The following PRKCE variants were observed in gnomAD, a reference collection of about 807,000 sequenced individuals.
PRKCE encodes protein kinase C epsilon type.
PRKCE carries 16 observed loss-of-function variants against 85.4 expected under a neutral mutation model. The ratio of observed to expected loss-of-function variants is 0.19; its 90% CI spans 0.13 to 0.28. PRKCE has a LOEUF of 0.28. Ranked by LOEUF, PRKCE falls within the 10% of genes least tolerant of loss-of-function variation. PRKCE has a pLI of 1.00. For synonymous variants in PRKCE, 388 were observed against 371.5 expected (o/e 1.04, Z -0.51); for missense variants, 573 against 975.2 (o/e 0.59, Z 5.49).
At chr2:46,116,784 T>G (rs1381460053) in intron 11 of PRKCE, among the ~76,000 whole-genome samples, 1 of 151,756 alleles carries the variant, frequency 6.6e-6, no homozygotes, top group Non-Finnish European at 1.5e-5. Flanking sequence ...GCTAGAGAAA[T>G]AGGAGGAGTA....
At chr2:45,843,138 T>C in intron 2 of PRKCE, 75 bp downstream of exon 2, 2 of 1,234,152 alleles carry the variant, frequency 1.6e-6, no homozygotes, top group Non-Finnish European at 2.4e-6. Flanking sequence ...TTTCCCCCCC[T>C]TGGCCGGAAC....
At position 45,680,502 on chromosome 2, in the gene PRKCE, G is replaced by A. The variant is rs115151538; in HGVS notation, c.348+28054G>A. ...TAACTGTTAGTTTTATGGTGCCCAG[G>A]GTTAAACTTTAAAGTTGGACTGTTT... is the stretch of plus-strand genomic sequence containing the variant. On this transcript the variant is annotated intron_variant, in intron 1 of 14. Transcript: ENST00000306156. 5.3e-3 allele frequency among the ~76,000 whole-genome samples: 814 copies of A among 152,316 alleles called. 9 individuals carry two copies. The highest frequency in any genetic ancestry group is 0.017 in the Middle Eastern group (5 of 294).
rs899619497 is a variant in PRKCE at position 46,004,395 on chromosome 2, G to A, written c.967-147G>A. The A allele has an allele frequency of 1.2e-5, 8 of 682,418 alleles. No homozygotes were observed. Among genetic ancestry groups the A allele is most frequent in the East Asian group, 5.8e-5 (2 of 34,734 alleles). 42.3% of individuals were successfully genotyped at this position (682,418 alleles called of 1,614,324 possible). ...CGAACTTCATTTTGGCTACTTTGGC[G>A]ATGGCTGCAAGAGGACAGAGATCTA... On this transcript the variant is annotated intron_variant, in intron 7 of 14. Coordinates refer to ENST00000306156, the MANE Select transcript of PRKCE (RefSeq NM_005400.3). The surrounding 1 kb of genome is among the most constrained non-coding windows in gnomAD (Gnocchi z 4.1).
At chr2:45,658,054 A>G (rs769483325) in intron 1 of PRKCE, among the ~76,000 whole-genome samples, 2 of 152,158 alleles carry the variant, frequency 1.3e-5, no homozygotes, top group Non-Finnish European at 2.9e-5. Context: ...TTTTAAAAGG[A>G]TTTCTGAAAC....
At chr2:45,939,111 G>A (rs538158456) in intron 2 of PRKCE, among the ~76,000 whole-genome samples, 8 of 152,244 alleles carry the variant, frequency 5.3e-5, no homozygotes, top group South Asian at 4.1e-4. Context: ...TTCTTCTCCC[G>A]GAAAATATAA....
At chr2:45,776,241 G>A (rs1362735230) in intron 1 of PRKCE, among the ~76,000 whole-genome samples, 3 of 152,168 alleles carry the variant, frequency 2.0e-5, no homozygotes, top group South Asian at 2.1e-4. Context: ...GAGAAAAGGC[G>A]ACCTGATGAA....
At chr2:45,899,200 T>C (rs562639306) in intron 2 of PRKCE, among the ~76,000 whole-genome samples, 1 of 152,298 alleles carries the variant, frequency 6.6e-6, no homozygotes, top group African/African-American at 2.4e-5. Flanking sequence ...TTTTCTCAGA[T>C]GGCCTTATTC....
At chr2:46,029,399 T>C (rs545024701) in intron 10 of PRKCE, among the ~76,000 whole-genome samples, 1 of 152,304 alleles carries the variant, frequency 6.6e-6, no homozygotes, top group Admixed American at 6.5e-5. Flanking sequence ...CCCCATTTTA[T>C]GGATAAGCAC....
intron 1 of PRKCE, among the ~76,000 whole-genome samples, chr2:45,805,784 A>G (rs1688198539): frequency 6.6e-6 from 1 of 152,042 alleles, no homozygotes; most frequent in Non-Finnish European, 1.5e-5. Context: ...TTTTTAGTAG[A>G]GACAGGGTTT....
chr2:45,665,062 T>C (rs75365266), intron 1 of PRKCE, among the ~76,000 whole-genome samples: 3,317 of 152,316 alleles, frequency 0.022, 111 homozygotes, highest in African/African-American at 0.075. Flanking sequence ...AGTTGAAGCA[T>C]AGCCAGCCTT....
intron 8 of PRKCE, 84 bp from the exon 9 acceptor site, chr2:46,007,378 A>T: frequency 7.4e-7 from 1 of 1,358,376 alleles, no homozygotes. Flanking sequence ...GAGAGCTTAC[A>T]GGGGAAAGTC....
At chr2:45,890,238 C>G (rs1434212768) in intron 2 of PRKCE, among the ~76,000 whole-genome samples, 1 of 152,190 alleles carries the variant, frequency 6.6e-6, no homozygotes. Flanking sequence ...GGACCTATTC[C>G]TAGCTTAGTT....
intron 1 of PRKCE, among the ~76,000 whole-genome samples, chr2:45,828,524 C>T (rs1690142255): frequency 6.6e-6 from 1 of 152,152 alleles, no homozygotes; most frequent in South Asian, 2.1e-4. Flanking sequence ...TAGAGTAGTG[C>T]TATAATTATT....
chr2:45,913,005 G>T (rs901664219), intron 2 of PRKCE, among the ~76,000 whole-genome samples: 5 of 152,214 alleles, frequency 3.3e-5, no homozygotes, highest in Non-Finnish European at 5.9e-5. Context: ...GAGTCACTCA[G>T]TGAGGGAGCT....
intron 6 of PRKCE, among the ~76,000 whole-genome samples, chr2:45,999,951 T>G (rs1254362996): frequency 6.6e-6 from 1 of 152,230 alleles, no homozygotes; most frequent in Admixed American, 6.5e-5. Flanking sequence ...TTCTTCTGAT[T>G]CTTTCTTAGC....
intron 1 of PRKCE, among the ~76,000 whole-genome samples, chr2:45,793,079 G>C (rs892106678): frequency 1.3e-5 from 2 of 152,248 alleles, no homozygotes; most frequent in Admixed American, 6.5e-5. Context: ...GATTACAGGC[G>C]TGAGCCACCC....
At chr2:45,934,558 A>C (rs1699291237) in intron 2 of PRKCE, among the ~76,000 whole-genome samples, 2 of 152,076 alleles carry the variant, frequency 1.3e-5, no homozygotes, top group Non-Finnish European at 2.9e-5. Flanking sequence ...CTGAGGCGGG[A>C]AAATCACTTG....
At chr2:46,083,013 T>C (rs1381224268) in intron 10 of PRKCE, among the ~76,000 whole-genome samples, 1 of 152,194 alleles carries the variant, frequency 6.6e-6, no homozygotes, top group African/African-American at 2.4e-5. Context: ...AGTGGCGCAA[T>C]CTCAGCTCAC....
intron 1 of PRKCE, among the ~76,000 whole-genome samples, chr2:45,653,370 G>GTTTT (rs34888247): frequency 0.026 from 1,574 of 61,338 alleles, 58 homozygotes; most frequent in Non-Finnish European, 0.029. Flanking sequence ...TTTTTGGGTT[G>GTTTT]TTTTTTTTTT....
Sources: allele counts gnomAD v4.1 joint callset (sites outside exome capture counted in the v4.1 genomes callset), GRCh38; gene constraint gnomAD v4.1.1; non-coding constraint Gnocchi (gnomAD v3.1); transcripts MANE v1.5; gene names NCBI Gene and HGNC (gene_info 2026-07-23, HGNC 2026-07-21).